The following TET1 variants were observed in gnomAD, a reference collection of about 807,000 sequenced individuals.
TET1 encodes the protein methylcytosine dioxygenase TET1.
A neutral mutation model predicts 148.7 loss-of-function variants in TET1; 13 were observed. The ratio of observed to expected loss-of-function variants is 0.09; its 90% confidence interval spans 0.06 to 0.14. TET1 has a LOEUF of 0.14. Ranked by LOEUF, TET1 falls within the 10% of genes least tolerant of loss-of-function variation. The pLI, the probability that TET1 is intolerant of heterozygous loss-of-function variation, is 1.00. For missense variants in TET1, 2,182 were observed against 2,553.8 expected (o/e 0.85, Z 3.14); for synonymous variants, 907 against 937.2 (o/e 0.97, Z 0.59).
intron 3 of TET1, among the ~76,000 whole-genome samples, chr10:68,602,180 G>C (rs188384588): frequency 1.2e-4 from 19 of 152,216 alleles, no homozygotes; most frequent in Non-Finnish European, 2.6e-4. Flanking sequence ...GCTAGGCACT[G>C]TGAAATGAAT....
chr10:68,641,956 A>C (rs1303958236), intron 3 of TET1, among the ~76,000 whole-genome samples: 1 of 152,182 alleles, frequency 6.6e-6, no homozygotes, highest in Admixed American at 6.5e-5. Context: ...ATGCCACTGC[A>C]TGCGGCTCTT....
Position 68,693,991 on chromosome 10 carries a change from A to T in TET1, c.*2177A>T, listed in dbSNP as rs2055624819. 4.3e-6 allele frequency: 1 copy of T among 230,718 alleles called. No homozygotes were observed. The highest frequency in any genetic ancestry group is 2.2e-5 in the African/African-American group (1 of 45,252). The allele number at this position is 230,718 out of a possible 1,614,324, so 14.3% of individuals were successfully genotyped here. ...CACCACCTATGACATAGTAAACTTGAAGAATAAAAACTACCCTCAGAAATA... is the reference window on the plus strand; with the variant it reads ...CACCACCTATGACATAGTAAACTTGTAGAATAAAAACTACCCTCAGAAATA... On this transcript the variant is annotated 3_prime_UTR_variant, in exon 12 of 12. Transcript: ENST00000373644.
intron 2 of TET1, among the ~76,000 whole-genome samples, chr10:68,587,580 C>G (rs2053874700): frequency 6.6e-6 from 1 of 152,138 alleles, no homozygotes; most frequent in South Asian, 2.1e-4. Context: ...GTTCTATTTT[C>G]TCTTCCTTTT....
chr10:68,583,589 C>G (rs2053826039), intron 2 of TET1, among the ~76,000 whole-genome samples: 1 of 152,138 alleles, frequency 6.6e-6, no homozygotes, highest in South Asian at 2.1e-4. Flanking sequence ...AAAGAAGGCC[C>G]TGATGTTCTC....
chr10:68,644,886 T>C lies in TET1; in HGVS notation c.2157T>C (p.Thr719=). 1 of 1,613,044 alleles carries C rather than the reference T, an allele frequency of 6.2e-7. No individual in the cohort carries two copies. Among genetic ancestry groups the C allele is most frequent in the African/African-American group, 1.3e-5 (1 of 74,954 alleles). Residue 719 remains threonine (T), a synonymous_variant, in exon 4 of 12, where the codon ACT becomes ACC. Transcript: ENST00000373644. ...CACAAAACAAGAAATCACAGTTAAC[T>C]GATCACGTGAAAGGAGATTTTAGTG... ...KWTQNKKSQL[T]DHVKGDFSAN...
At chr10:68,662,255 C>T (rs974870673) in intron 6 of TET1, among the ~76,000 whole-genome samples, 6 of 151,966 alleles carry the variant, frequency 3.9e-5, no homozygotes, top group African/African-American at 9.7e-5. Context: ...GTGATCCACC[C>T]GCCTTGACCT....
At chr10:68,636,934 C>T (rs556725692) in intron 3 of TET1, among the ~76,000 whole-genome samples, 50 of 149,546 alleles carry the variant, frequency 3.3e-4, no homozygotes, top group Non-Finnish European at 6.5e-4. Context: ...ATTAGGTATT[C>T]GACACTTGGT....
chr10:68,591,764 G>C (rs147395781), intron 2 of TET1, among the ~76,000 whole-genome samples: 1 of 151,976 alleles, frequency 6.6e-6, no homozygotes, highest in Non-Finnish European at 1.5e-5. Context: ...TTAGCTGGGC[G>C]TGGTGGTGGG....
chr10:68,582,096 CTATTT>C (rs145879446), intron 2 of TET1, among the ~76,000 whole-genome samples: 19,708 of 148,536 alleles, frequency 0.13, 1,615 homozygotes, highest in South Asian at 0.24. Context: ...TTAGATGACA[CTATTT>C]TTTTTTTTTT....
rs60460824 is a variant in TET1 at position 68,640,544 on chromosome 10, C to CTTTTTTTTTTTTTTTTTTTTTTT, written c.1969-4151_1969-4129dup. Among the ~76,000 whole-genome samples, 14 of 42,884 alleles carry CTTTTTTTTTTTTTTTTTTTTTTT rather than the reference C, an allele frequency of 3.3e-4. 1 individual carries two copies. Among genetic ancestry groups the CTTTTTTTTTTTTTTTTTTTTTTT allele is most frequent in the East Asian group, 7.9e-4 (1 of 1,270 alleles). 28.1% of individuals were successfully genotyped at this position (42,884 alleles called of 152,430 possible). The stretch of plus-strand genomic sequence containing the variant: ...AAATATTCTTTTTCTTTCTTTCTTT[C>CTTTTTTTTTTTTTTTTTTTTTTT]TTTTTTTTTTTTTTTTTTTTTTTTT... On this transcript the variant is annotated intron_variant, in intron 3 of 11. Coordinates refer to ENST00000373644, the MANE Select transcript of TET1 (RefSeq NM_030625.3).
rs2055627653 is a variant in TET1 at position 68,694,233 on chromosome 10, T to C, written c.*2419T>C. The stretch of plus-strand genomic sequence containing the variant: ...AACTGAAATGTTTCCATTCCGTTGT[T>C]GTAGTTAACATCATGAATGGACTTC... On this transcript the variant is annotated 3_prime_UTR_variant, in exon 12 of 12. Transcript: ENST00000373644. The C allele has an allele frequency of 8.6e-6, 2 of 232,814 alleles. No individual in the cohort carries two copies. Among genetic ancestry groups the C allele is most frequent in the Non-Finnish European group, 1.7e-5 (2 of 117,802 alleles). The allele number at this position is 232,814 out of a possible 1,614,324, so 14.4% of individuals were successfully genotyped here.
chr10:68,646,628 C>G lies in TET1; in HGVS notation c.3899C>G (p.Thr1300Ser). The change falls in exon 4 of 12, where the codon ACC becomes AGC. Residue 1300 changes from threonine (T) to serine (S), a missense_variant. By Grantham distance (58) the Thr-to-Ser change is moderately conservative. Coordinates refer to ENST00000373644, the MANE Select transcript of TET1 (RefSeq NM_030625.3). ...GCCAATCAGAAAGCCCATCCTTTGA[C>G]CCAGCCCTCCTCTCCACCTAACCAG... ...VNANQKAHPL[T>S]QPSSPPNQCA... is the part of the protein sequence containing the mutation. 6.2e-7 allele frequency: 1 copy of G among 1,614,174 alleles called. No homozygotes were observed. Among genetic ancestry groups the G allele is most frequent in the Non-Finnish European group, 8.5e-7 (1 of 1,180,028 alleles).
At chr10:68,623,664 T>C (rs1016914964) in intron 3 of TET1, among the ~76,000 whole-genome samples, 32 of 152,314 alleles carry the variant, frequency 2.1e-4, no homozygotes, top group African/African-American at 6.7e-4. Flanking sequence ...ATCTGTCACA[T>C]AATTAGTAAA....
intron 2 of TET1, among the ~76,000 whole-genome samples, chr10:68,597,880 A>G (rs943474711): frequency 2.0e-5 from 3 of 152,228 alleles, no homozygotes; most frequent in Non-Finnish European, 4.4e-5. Flanking sequence ...AAAATACTAT[A>G]TGATTCCAAT....
chr10:68,616,624 CTT>C (rs925094727), intron 3 of TET1, among the ~76,000 whole-genome samples: 3 of 152,040 alleles, frequency 2.0e-5, no homozygotes, highest in Non-Finnish European at 2.9e-5. Context: ...CAGTCTCAAA[CTT>C]TTGGGCTCAC....
Position 68,573,820 on chromosome 10 carries a change from A to G in TET1, c.1482A>G (p.Ile494Met), listed in dbSNP as rs1437545818. The change falls in exon 2 of 12, where the codon ATA becomes ATG. Residue 494 changes from isoleucine (I) to methionine (M), a missense_variant. Ile to Met is a conservative substitution (Grantham distance 10). Coordinates refer to ENST00000373644, the MANE Select transcript of TET1 (RefSeq NM_030625.3). ...EKNSLPPVMA[I>M]SNVENEKQVH... ...ATTCATTACCTCCAGTAATGGCTAT[A>G]AGCAATGTAGAAAATGAGAAGCAGG... The G allele has an allele frequency of 6.2e-7, 1 of 1,614,086 alleles. No homozygotes were observed. The highest frequency in any genetic ancestry group is 1.1e-5 in the South Asian group (1 of 91,088).
At position 68,667,052 on chromosome 10, in the gene TET1, G is replaced by A; in HGVS notation, c.4469G>A (p.Arg1490Lys). ...TGTATTCTGTTTTTTCAGGTTTTAA[G>A]AAGAAGCAGTGATGAAGAAAAAGTT... ...HGCPIAKWVL[R>K]RSSDEEKVLC... Residue 1490 changes from arginine (R) to lysine (K), a missense_variant, in exon 7 of 12, where the codon AGA becomes AAA. Physicochemically the swap from Arg to Lys is conservative, Grantham distance 26. Coordinates refer to ENST00000373644, the MANE Select transcript of TET1 (RefSeq NM_030625.3). 1 of 1,613,380 alleles carries A rather than the reference G, an allele frequency of 6.2e-7. No homozygotes were observed. The highest frequency in any genetic ancestry group is 8.5e-7 in the Non-Finnish European group (1 of 1,179,704).
At position 68,572,799 on chromosome 10, in the gene TET1, A is replaced by G. The variant is rs1365923011; in HGVS notation, c.461A>G (p.Glu154Gly). 6.2e-7 allele frequency: 1 copy of G among 1,614,104 alleles called. No individual in the cohort carries two copies. The highest frequency in any genetic ancestry group is 1.3e-5 in the African/African-American group (1 of 74,950). The change falls in exon 2 of 12, where the codon GAA becomes GGA. Residue 154 changes from glutamate to glycine, a missense_variant. Physicochemically the swap from Glu to Gly is moderately conservative, Grantham distance 98. Coordinates refer to ENST00000373644, the MANE Select transcript of TET1 (RefSeq NM_030625.3). ...ILPALGVKHS[E>G]NDSVPMQDTQ... ...CCTGCTTTGGGAGTAAAGCACTCAGAAAATGATTCGGTTCCAATGCAAGAC... is the reference window on the plus strand; with the variant it reads ...CCTGCTTTGGGAGTAAAGCACTCAGGAAATGATTCGGTTCCAATGCAAGAC...
chr10:68,641,042 G>A (rs375663120), intron 3 of TET1, among the ~76,000 whole-genome samples: 105 of 149,074 alleles, frequency 7.0e-4, no homozygotes, highest in African/African-American at 2.5e-3. Flanking sequence ...TATTTTTGAG[G>A]CTGCTTACTA....
Sources: allele counts gnomAD v4.1 joint callset (sites outside exome capture counted in the v4.1 genomes callset), GRCh38; gene constraint gnomAD v4.1.1; transcripts MANE v1.5; gene names NCBI Gene and HGNC (gene_info 2026-07-23, HGNC 2026-07-21).